MTUS1: variants seen among roughly 807,000 people sequenced by gnomAD.
The protein encoded by MTUS1 is microtubule associated scaffold protein 1.
MTUS1 carries 109 observed loss-of-function variants against 120.8 expected under a neutral mutation model. The ratio of observed to expected loss-of-function variants is 0.90; its 90% confidence interval spans 0.77 to 1.06. The LOEUF (loss-of-function observed/expected upper bound fraction) is 1.06. Ranked by LOEUF, MTUS1 falls within the 50% of genes least tolerant of loss-of-function variation. MTUS1 has a pLI of 0.00. For synonymous variants in MTUS1, 737 were observed against 550.5 expected, an observed-to-expected ratio of 1.34 and a Z score of -4.74; for missense variants, 2,210 against 1,486.3, an observed-to-expected ratio of 1.49 and a Z score of -8.01.
At chr8:17,690,462 G>A (rs1816730837) in intron 6 of MTUS1, among the ~76,000 whole-genome samples, 1 of 152,100 alleles carries the variant, frequency 6.6e-6, no homozygotes, top group Non-Finnish European at 1.5e-5. Context: ...CAATCTCTAT[G>A]GAAAACAGTA....
intron 14 of MTUS1, 152 bp downstream of exon 14, chr8:17,646,830 C>CAAT: frequency 1.6e-6 from 1 of 628,332 alleles, no homozygotes; most frequent in South Asian, 2.1e-5. Context: ...TGAACTACTA[C>CAAT]AATCATATTT....
At position 17,743,679 on chromosome 8, in the gene MTUS1, G is replaced by T; in HGVS notation, c.2212C>A (p.Arg738=). ...KVGPPVSCLR[R]NSDNRNPSAD... ...CTGGGATTTCTATTGTCACTGTTCC[G>T]CCTCAAACAGGAAACAGGGGGCCCC... Residue 738 remains arginine (R), a synonymous_variant, in exon 3 of 15, where the codon CGG becomes AGG. Coordinates refer to ENST00000693296, the MANE Select transcript of MTUS1 (RefSeq NM_001363059.2). 2 of 1,614,046 alleles carry T rather than the reference G, an allele frequency of 1.2e-6. No homozygotes were observed. The highest frequency in any genetic ancestry group is 1.7e-6 in the Non-Finnish European group (2 of 1,180,022).
chr8:17,742,340 G>C (rs1194263589), intron 3 of MTUS1, among the ~76,000 whole-genome samples: 1 of 143,076 alleles, frequency 7.0e-6, no homozygotes, highest in Non-Finnish European at 1.5e-5. Context: ...TGTTGCCCAG[G>C]CTGGTCCTGA....
chr8:17,670,442 G>C (rs936512143), intron 8 of MTUS1, among the ~76,000 whole-genome samples: 7 of 152,186 alleles, frequency 4.6e-5, no homozygotes, highest in Admixed American at 4.6e-4. Context: ...CCACTTGACA[G>C]ACTTTCCCCC....
At chr8:17,656,691 C>T (rs918951396) in intron 8 of MTUS1, among the ~76,000 whole-genome samples, 9 of 151,224 alleles carry the variant, frequency 6.0e-5, no homozygotes, top group Non-Finnish European at 1.2e-4. Flanking sequence ...CAGGCAGAGA[C>T]ATTTCTTAGG....
chr8:17,645,175 A>C lies in MTUS1; in HGVS notation c.*751T>G, dbSNP rs1436469379. 1.3e-5 allele frequency: 2 copies of C among 152,590 alleles called. No individual in the cohort carries two copies. Among genetic ancestry groups the C allele is most frequent in the African/African-American group, 4.8e-5 (2 of 41,432 alleles). The allele number at this position is 152,590 out of a possible 1,614,324, so 9.5% of individuals were successfully genotyped here. A position where few individuals can be genotyped will look rare whatever the true frequency, so the allele number is the denominator to read the frequency against. On this transcript the variant is annotated 3_prime_UTR_variant, in exon 15 of 15. Coordinates refer to ENST00000693296, the MANE Select transcript of MTUS1 (RefSeq NM_001363059.2). ...ACATGGGTAAGTAAAAAATCTACAG[A>C]AAAATCTAGTTTCAACTGACATGGC...
Position 17,684,315 on chromosome 8 carries a change from T to A in MTUS1, c.2838+13A>T. 4.4e-6 allele frequency: 7 copies of A among 1,607,224 alleles called. No individual in the cohort carries two copies. The highest frequency in any genetic ancestry group is 6.0e-6 in the Non-Finnish European group (7 of 1,173,652). ...TCAAGTAGAAAGGCTCTTTCTAGGATGCACCTCCTTACCTCAGACAGCAGG... is the reference window on the plus strand; with the variant it reads ...TCAAGTAGAAAGGCTCTTTCTAGGAAGCACCTCCTTACCTCAGACAGCAGG... On this transcript the variant is annotated intron_variant, in intron 7 of 14. Coordinates refer to ENST00000693296, the MANE Select transcript of MTUS1 (RefSeq NM_001363059.2).
intron 2 of MTUS1, among the ~76,000 whole-genome samples, chr8:17,752,857 G>C (rs545579735): frequency 2.6e-5 from 4 of 152,254 alleles, no homozygotes; most frequent in African/African-American, 9.6e-5. Context: ...CCAAAAATAG[G>C]GCTGAGGACA....
At chr8:17,768,607 G>C (rs1434077199) in intron 1 of MTUS1, among the ~76,000 whole-genome samples, 1 of 151,756 alleles carries the variant, frequency 6.6e-6, no homozygotes, top group Non-Finnish European at 1.5e-5. Flanking sequence ...AGCCACATGA[G>C]GTTTGTATTT....
intron 1 of MTUS1, among the ~76,000 whole-genome samples, chr8:17,784,863 C>T (rs2051170830): frequency 6.6e-6 from 1 of 151,946 alleles, no homozygotes; most frequent in African/African-American, 2.4e-5. Flanking sequence ...TGGCTCACTG[C>T]AACCTCCGCC....
chr8:17,714,271 G>T (rs985703493), intron 5 of MTUS1, among the ~76,000 whole-genome samples: 10 of 152,082 alleles, frequency 6.6e-5, no homozygotes, highest in African/African-American at 2.2e-4. Context: ...CAAAGAAAAG[G>T]TATTGACATA....
chr8:17,692,889 T>C (rs1440795548), intron 6 of MTUS1, among the ~76,000 whole-genome samples: 1 of 152,164 alleles, frequency 6.6e-6, no homozygotes, highest in Non-Finnish European at 1.5e-5. Context: ...TAAATGGAAA[T>C]ATTTTGTTCT....
chr8:17,653,087 C>T (rs1221019458), intron 12 of MTUS1, 99 bp downstream of exon 12: 7 of 690,260 alleles, frequency 1.0e-5, no homozygotes, highest in South Asian at 5.6e-5. Flanking sequence ...GAAGGATTCC[C>T]AACCTGTGTT....
intron 7 of MTUS1, among the ~76,000 whole-genome samples, chr8:17,681,408 T>C (rs1416420481): frequency 3.3e-5 from 5 of 152,220 alleles, no homozygotes; most frequent in Non-Finnish European, 7.3e-5. Flanking sequence ...AGGACATTTT[T>C]AGTTGATAGC....
intron 12 of MTUS1, among the ~76,000 whole-genome samples, chr8:17,652,753 T>A (rs887486022): frequency 2.8e-4 from 42 of 151,792 alleles, no homozygotes; most frequent in African/African-American, 9.9e-4. Flanking sequence ...GGAGACTCGC[T>A]TGAACCCAGG....
chr8:17,728,299 A>G (rs1425815203), intron 3 of MTUS1, among the ~76,000 whole-genome samples: 2 of 152,194 alleles, frequency 1.3e-5, no homozygotes, highest in African/African-American at 4.8e-5. Context: ...TTTTTAGTAG[A>G]GATGGGGTTT....
In MTUS1 at chr8:17,755,754, A is replaced by G. The variant is rs1563335220; in HGVS notation, c.54T>C (p.Phe18=). 6.2e-7 allele frequency: 1 copy of G among 1,613,920 alleles called. No individual in the cohort carries two copies. The highest frequency in any genetic ancestry group is 1.3e-5 in the African/African-American group (1 of 74,926). ...DKIEDELQTF[F]TSDKDGNTHA... is the part of the protein sequence containing the mutation. ...GTGTATTTCCATCTTTATCACTGGTAAAGAAGGTTTGCAATTCATCTTCTA... is the reference window on the plus strand; with the variant it reads ...GTGTATTTCCATCTTTATCACTGGTGAAGAAGGTTTGCAATTCATCTTCTA... The change falls in exon 2 of 15, where the codon TTT becomes TTC. Residue 18 remains phenylalanine (F), a synonymous_variant. Transcript: ENST00000693296.
At position 17,647,588 on chromosome 8, in the gene MTUS1, CA is replaced by C. The variant is rs1429228897; in HGVS notation, c.3502-510del. Reference sequence around the variant, plus strand: ...TTTTCAGCATTTGCGTCTGAGTGGCCATACAAAGCTTCAATTCGATAGAGCT... The same window carrying C: ...TTTTCAGCATTTGCGTCTGAGTGGCCTACAAAGCTTCAATTCGATAGAGCT... On this transcript the variant is annotated intron_variant, in intron 13 of 14. Transcript: ENST00000693296. 2.0e-5 allele frequency among the ~76,000 whole-genome samples: 3 copies of C among 152,152 alleles called. 1 individual carries two copies. The highest frequency in any genetic ancestry group is 4.4e-5 in the Non-Finnish European group (3 of 68,034).
intron 1 of MTUS1, among the ~76,000 whole-genome samples, chr8:17,779,088 C>T (rs545807846): frequency 1.3e-5 from 2 of 152,196 alleles, no homozygotes; most frequent in East Asian, 3.9e-4. Context: ...TCAAGGAAGG[C>T]CTCTCTGAAC....
Sources: allele counts gnomAD v4.1 joint callset (sites outside exome capture counted in the v4.1 genomes callset), GRCh38; gene constraint gnomAD v4.1.1; transcripts MANE v1.5; gene names NCBI Gene and HGNC (gene_info 2026-07-23, HGNC 2026-07-21).